Variants in PCDHA4 observed in about 807,000 individuals in gnomAD.
PCDHA4 encodes protocadherin alpha 4, also known as protocadherin alpha-4.
In PCDHA4, 49 loss-of-function variants were observed where a neutral mutation model predicts 61.4. The observed-to-expected ratio is 0.80, with a 90% CI of 0.63 to 1.01. The LOEUF (loss-of-function observed/expected upper bound fraction) is 1.01, where lower values mean the gene tolerates loss of function less well. Ranked by LOEUF, PCDHA4 falls within the 50% of genes least tolerant of loss-of-function variation. The pLI, the probability that PCDHA4 is intolerant of heterozygous loss-of-function variation, is 0.00. For synonymous variants in PCDHA4, 590 were observed against 550.3 expected (o/e 1.07, Z -1.01); for missense variants, 1,254 against 1,235.8 (o/e 1.01, Z -0.22).
Position 140,809,283 on chromosome 5 carries a change from A to T in PCDHA4, c.2096A>T (p.Tyr699Phe). 6.2e-7 allele frequency: 1 copy of T among 1,614,104 alleles called. No individual in the cohort carries two copies. The highest frequency in any genetic ancestry group is 2.2e-5 in the East Asian group (1 of 44,870). ...GCTGCGCTGGTGGATGTCAACGTATACCTGATCATTGCCATCTGCGCGGTG... is the reference window on the plus strand; with the variant it reads ...GCTGCGCTGGTGGATGTCAACGTATTCCTGATCATTGCCATCTGCGCGGTG... ...PDAALVDVNV[Y>F]LIIAICAVSS... The change falls in exon 1 of 4, where the codon TAC (tyrosine) becomes TTC (phenylalanine). Residue 699 changes from tyrosine to phenylalanine, a missense_variant. By Grantham distance (22) the Tyr-to-Phe change is conservative. Transcript: ENST00000530339.
intron 1 of PCDHA4, among the ~76,000 whole-genome samples, chr5:140,924,726 C>T (rs1294650773): frequency 1.3e-5 from 2 of 151,796 alleles, no homozygotes; most frequent in African/African-American, 4.8e-5. Context: ...GAAACCTCAC[C>T]TCTAATAAAA....
At chr5:140,937,228 G>A (rs920892612) in intron 1 of PCDHA4, among the ~76,000 whole-genome samples, 1 of 151,718 alleles carries the variant, frequency 6.6e-6, no homozygotes, top group Admixed American at 6.6e-5. Context: ...TTGTAGAGAC[G>A]GGGTTTCACC....
intron 1 of PCDHA4, among the ~76,000 whole-genome samples, chr5:140,872,243 T>A (rs1484959006): frequency 6.6e-6 from 1 of 152,192 alleles, no homozygotes; most frequent in African/African-American, 2.4e-5. Flanking sequence ...TCTTTATTCC[T>A]GTGATAATAC....
At chr5:140,817,734 T>C (rs2150098892) in intron 1 of PCDHA4, 7 of 152,242 alleles carry the variant, frequency 4.6e-5, no homozygotes, top group Non-Finnish European at 8.8e-5. Context: ...TATGTTTCTT[T>C]CTGGGATCAT....
At chr5:140,963,397 G>A (rs1190925238) in intron 1 of PCDHA4, among the ~76,000 whole-genome samples, 1 of 152,160 alleles carries the variant, frequency 6.6e-6, no homozygotes, top group Admixed American at 6.5e-5. Context: ...GCTCCCTACT[G>A]GATGCTGTAG....
intron 1 of PCDHA4, among the ~76,000 whole-genome samples, chr5:140,914,155 A>G (rs1432406316): frequency 6.6e-6 from 1 of 152,188 alleles, no homozygotes; most frequent in Admixed American, 6.5e-5. Flanking sequence ...GTTCTGTCCA[A>G]TACGGAAAGT....
At chr5:140,835,791 C>T in intron 1 of PCDHA4, 1 of 1,613,176 alleles carries the variant, frequency 6.2e-7, no homozygotes, top group Non-Finnish European at 8.5e-7. Flanking sequence ...GAACAACCCG[C>T]CGGGCTGCCA....
At chr5:140,916,606 C>A (rs561641984) in intron 1 of PCDHA4, among the ~76,000 whole-genome samples, 1 of 152,168 alleles carries the variant, frequency 6.6e-6, no homozygotes, top group African/African-American at 2.4e-5. Context: ...GGAATGCGGG[C>A]CTCATGACTC....
At chr5:140,843,184 G>C in intron 1 of PCDHA4, 1 of 1,596,022 alleles carries the variant, frequency 6.3e-7, no homozygotes, top group Non-Finnish European at 8.6e-7. Flanking sequence ...CTCGCATCCC[G>C]TTCCGCGTGG....
At chr5:140,852,883 G>C in intron 1 of PCDHA4, 1 of 933,168 alleles carries the variant, frequency 1.1e-6, no homozygotes. Flanking sequence ...ATCATAAAAC[G>C]TATTTTTTTT....
chr5:140,886,698 C>T (rs578140955), intron 1 of PCDHA4, among the ~76,000 whole-genome samples: 5 of 151,938 alleles, frequency 3.3e-5, no homozygotes, highest in East Asian at 2.0e-4. Flanking sequence ...TGGTGGCACG[C>T]GCCTGTAATC....
At chr5:140,942,221 G>A (rs1238547021) in intron 1 of PCDHA4, among the ~76,000 whole-genome samples, 1 of 152,046 alleles carries the variant, frequency 6.6e-6, no homozygotes, top group African/African-American at 2.4e-5. Context: ...TATTTAAAAT[G>A]TGTAGGCAAA....
chr5:140,869,813 A>G, intron 1 of PCDHA4: 2 of 1,612,416 alleles, frequency 1.2e-6, no homozygotes, highest in Non-Finnish European at 1.7e-6. Context: ...GATGTCAACG[A>G]CAATGATCCA....
chr5:140,831,988 G>T (rs1771788982), intron 1 of PCDHA4, among the ~76,000 whole-genome samples: 1 of 152,168 alleles, frequency 6.6e-6, no homozygotes, highest in Admixed American at 6.6e-5. Flanking sequence ...TCTCATTACG[G>T]ATTCCATATT....
At chr5:140,960,832 G>T (rs141442734) in intron 1 of PCDHA4, among the ~76,000 whole-genome samples, 1 of 152,230 alleles carries the variant, frequency 6.6e-6, no homozygotes, top group African/African-American at 2.4e-5. Flanking sequence ...TGGAAACTTG[G>T]AACAGGTTTA....
intron 1 of PCDHA4, among the ~76,000 whole-genome samples, chr5:140,840,979 C>A (rs1290701863): frequency 1.3e-5 from 2 of 151,986 alleles, no homozygotes; most frequent in Non-Finnish European, 2.9e-5. Context: ...AAGAAGAAAT[C>A]CCTAGCTGAA....
chr5:140,913,821 A>G (rs2153527973), intron 1 of PCDHA4, among the ~76,000 whole-genome samples: 1 of 152,122 alleles, frequency 6.6e-6, no homozygotes, highest in East Asian at 1.9e-4. Context: ...TTCCTTTTAA[A>G]TTTCTTTATT....
chr5:140,993,071 G>A (rs1301535845), intron 3 of PCDHA4, among the ~76,000 whole-genome samples: 9 of 152,222 alleles, frequency 5.9e-5, no homozygotes, highest in African/African-American at 2.2e-4. Flanking sequence ...TGTTCCTGCA[G>A]TCTGCAATCA....
chr5:140,904,177 AC>A (rs1185990725), intron 1 of PCDHA4, among the ~76,000 whole-genome samples: 1 of 151,302 alleles, frequency 6.6e-6, no homozygotes, highest in Non-Finnish European at 1.5e-5. Flanking sequence ...TTTATTCCTC[AC>A]CCCCTTCCCA....
Sources: gnomAD v4.1 joint callset for allele counts (sites outside exome capture counted in the v4.1 genomes callset) on GRCh38, gnomAD v4.1.1 for gene constraint, MANE v1.5 for transcripts, NCBI Gene and HGNC (gene_info 2026-07-23, HGNC 2026-07-21) for gene names.